The following PALM2AKAP2 variants were observed in gnomAD, a reference collection of about 807,000 sequenced individuals.
PALM2AKAP2 encodes PALM2-AKAP2 fusion protein.
Under a neutral mutation model 71.5 loss-of-function variants are expected in PALM2AKAP2, and 37 were observed. That is an observed-to-expected ratio of 0.52 (90% CI 0.40 to 0.68). The LOEUF (loss-of-function observed/expected upper bound fraction) is 0.68. Ranked by LOEUF, PALM2AKAP2 falls within the 30% of genes least tolerant of loss-of-function variation. The probability of loss-of-function intolerance (pLI) is 0.00; values close to 1 mark genes in which losing one functional copy is unlikely to be tolerated. For missense variants in PALM2AKAP2, 1,224 were observed against 1,191.8 expected, an observed-to-expected ratio of 1.03 and a Z score of -0.40; for synonymous variants, 468 against 478.8, an observed-to-expected ratio of 0.98 and a Z score of 0.29.
chr9:110,060,400 T>C (rs1588084442), intron 1 of PALM2AKAP2, among the ~76,000 whole-genome samples: 1 of 121,932 alleles, frequency 8.2e-6, no homozygotes, highest in African/African-American at 3.1e-5. Flanking sequence ...TATTTTAGCC[T>C]GACAACTACT....
chr9:109,889,961 TG>T (rs1830048858), intron 3 of PALM2AKAP2, among the ~76,000 whole-genome samples: 2 of 152,226 alleles, frequency 1.3e-5, no homozygotes, highest in Non-Finnish European at 1.5e-5. Context: ...CCAGGCTTTT[TG>T]GCCTATGATT....
intron 1 of PALM2AKAP2, among the ~76,000 whole-genome samples, chr9:109,656,373 T>C (rs1827307892): frequency 6.6e-6 from 1 of 152,194 alleles, no homozygotes; most frequent in South Asian, 2.1e-4. Context: ...TTGAAGGCCC[T>C]TGCAGAGGAA....
At chr9:109,903,521 A>G (rs1830375816) in intron 3 of PALM2AKAP2, among the ~76,000 whole-genome samples, 1 of 152,146 alleles carries the variant, frequency 6.6e-6, no homozygotes, top group South Asian at 2.1e-4. Flanking sequence ...GCTTAGCTGG[A>G]TATTTTTGCA....
In PALM2AKAP2 at chr9:110,147,556, G is replaced by A. The variant is rs143402052; in HGVS notation, c.2570-8763G>A. Among the ~76,000 whole-genome samples, 223 of 152,206 alleles carry A rather than the reference G, an allele frequency of 1.5e-3. 1 individual carries two copies. Among genetic ancestry groups the A allele is most frequent in the African/African-American group, 5.1e-3 (210 of 41,528 alleles). The stretch of plus-strand genomic sequence containing the variant: ...TTAAGAAAAAGCTTAGAGGCTGATC[G>A]CTTGAGACCAGAAGTTCAAGACCAA... On this transcript the variant is annotated intron_variant, in intron 2 of 3. Transcript: ENST00000374525.
intron 1 of PALM2AKAP2, among the ~76,000 whole-genome samples, chr9:109,731,087 A>G (rs1221687248): frequency 6.6e-6 from 1 of 152,218 alleles, no homozygotes; most frequent in African/African-American, 2.4e-5. Flanking sequence ...ATGTTAAACT[A>G]ATTACACCTG....
At chr9:110,126,537 G>C (rs562049830) in intron 1 of PALM2AKAP2, among the ~76,000 whole-genome samples, 20 of 152,324 alleles carry the variant, frequency 1.3e-4, no homozygotes, top group African/African-American at 4.8e-4. Flanking sequence ...AGGGCCTTTG[G>C]TGAGAAGAGC....
At chr9:110,091,608 G>A (rs1038380854) in intron 1 of PALM2AKAP2, among the ~76,000 whole-genome samples, 6 of 151,556 alleles carry the variant, frequency 4.0e-5, no homozygotes, top group South Asian at 2.1e-4. Context: ...GACTATAGGC[G>A]CCTGCCTCCA....
Position 110,136,522 on chromosome 9 carries a change from C to T in PALM2AKAP2, c.552C>T (p.His184=), listed in dbSNP as rs116218337. The stretch of plus-strand genomic sequence containing the variant: ...TGGGCGGCCTAAGCCCCCCTGTCCA[C>T]GAGGCGACCCAGCCAGAACCCACTG... Residue 184 remains histidine (H), a synonymous_variant, in exon 2 of 4, where the codon CAC becomes CAT. Coordinates refer to ENST00000374525, the Ensembl canonical transcript of PALM2AKAP2. 5,153 of 1,613,592 alleles carry T rather than the reference C, an allele frequency of 3.2e-3. 148 individuals carry two copies. The African/African-American group carries it at 0.059, about 18-fold the overall frequency.
intron 1 of PALM2AKAP2, among the ~76,000 whole-genome samples, chr9:109,690,119 A>G (rs2118543737): frequency 6.6e-6 from 1 of 152,146 alleles, no homozygotes; most frequent in African/African-American, 2.4e-5. Context: ...GGGCTGTCCC[A>G]TTCCCATCCT....
At chr9:109,701,887 C>G (rs1474069487) in intron 1 of PALM2AKAP2, among the ~76,000 whole-genome samples, 1 of 152,002 alleles carries the variant, frequency 6.6e-6, no homozygotes, top group African/African-American at 2.4e-5. Context: ...TGAACTCAAA[C>G]AAATTTACAA....
At chr9:109,889,755 C>T (rs775117190) in intron 3 of PALM2AKAP2, among the ~76,000 whole-genome samples, 1 of 152,178 alleles carries the variant, frequency 6.6e-6, no homozygotes, top group Non-Finnish European at 1.5e-5. Flanking sequence ...TTTGTAGGAT[C>T]CATTATAATC....
rs1564329500 is a variant in PALM2AKAP2, at chr9:110,138,544, GTGAGGTGCCTCACA to G, written c.2569+10_2569+23del. 6.3e-7 allele frequency: 1 copy of G among 1,584,440 alleles called. No homozygotes were observed. The highest frequency in any genetic ancestry group is 1.2e-5 in the South Asian group (1 of 85,660). ...CATGCTACAAAACTGCTCCAGGTAA[GTGAGGTGCCTCACA>G]TGAGAGACAGATGCCACAGCAGTCT... On this transcript the variant is annotated splice_donor_region_variant and intron_variant, in intron 2 of 3. Coordinates refer to ENST00000374525, the Ensembl canonical transcript of PALM2AKAP2.
upstream of PALM2AKAP2, among the ~76,000 whole-genome samples, chr9:110,044,153 T>G (rs1301757903): frequency 6.6e-6 from 1 of 152,102 alleles, no homozygotes; most frequent in African/African-American, 2.4e-5. Flanking sequence ...TTGTTTCTTC[T>G]CTGAAATTTT....
chr9:109,861,836 GT>G, intron 1 of PALM2AKAP2, among the ~76,000 whole-genome samples: 1 of 152,252 alleles, frequency 6.6e-6, no homozygotes, highest in East Asian at 1.9e-4. Context: ...TGGCCAATGT[GT>G]TTTTAATAAT....
intron 3 of PALM2AKAP2, among the ~76,000 whole-genome samples, chr9:109,896,762 G>A (rs1196211539): frequency 6.6e-6 from 1 of 152,130 alleles, no homozygotes; most frequent in Admixed American, 6.5e-5. Context: ...AGTGAGCTAT[G>A]ATCATGCCAG....
At position 109,959,924 on chromosome 9, in the gene PALM2AKAP2, G is replaced by A. The variant is rs116786713; in HGVS notation, c.496+27896G>A. ...TACAAGCATCCATCCTCATCACTAA[G>A]GCACTCTCCTACTCAGTAAGAACAG... is the stretch of plus-strand genomic sequence containing the variant. On this transcript the variant is annotated intron_variant, in intron 6 of 9. Coordinates refer to the PALM2AKAP2 transcript ENST00000302798. 3.2e-3 allele frequency among the ~76,000 whole-genome samples: 494 copies of A among 152,138 alleles called. 6 individuals carry two copies. Among genetic ancestry groups the A allele is most frequent in the African/African-American group, 0.011 (468 of 41,484 alleles).
chr9:110,073,299 A>G (rs1341074254), intron 1 of PALM2AKAP2, among the ~76,000 whole-genome samples: 1 of 152,166 alleles, frequency 6.6e-6, no homozygotes, highest in Non-Finnish European at 1.5e-5. Context: ...AAGCTTAAGT[A>G]AAAAGACTAC....
At chr9:110,018,588 C>T (rs1026995675) in intron 7 of PALM2AKAP2, among the ~76,000 whole-genome samples, 3 of 152,200 alleles carry the variant, frequency 2.0e-5, no homozygotes, top group Non-Finnish European at 4.4e-5. Flanking sequence ...GCCTCAGCCT[C>T]CCAAAGTGCT....
At chr9:110,086,895 T>A (rs1469989646) in intron 1 of PALM2AKAP2, among the ~76,000 whole-genome samples, 1 of 152,206 alleles carries the variant, frequency 6.6e-6, no homozygotes, top group Non-Finnish European at 1.5e-5. Context: ...CCCAAATCCT[T>A]GGCATTCAAA....
Sources: gnomAD v4.1 joint callset for allele counts (sites outside exome capture counted in the v4.1 genomes callset) on GRCh38, gnomAD v4.1.1 for gene constraint, MANE v1.5 for transcripts, NCBI Gene and HGNC (gene_info 2026-07-23, HGNC 2026-07-21) for gene names.